The following POM121 variants were observed in gnomAD, a reference collection of about 807,000 sequenced individuals.
The protein encoded by POM121 is POM121 transmembrane nucleoporin.
POM121 carries 32 observed loss-of-function variants against 81.3 expected under a neutral mutation model. The observed-to-expected ratio is 0.39, with a 90% CI of 0.30 to 0.53. The LOEUF (loss-of-function observed/expected upper bound fraction) is 0.53, where lower values mean the gene tolerates loss of function less well. POM121 is among the 20% of genes least tolerant of loss of function. The pLI is 0.66. For missense variants in POM121, 1,138 were observed against 1,614.6 expected, an observed-to-expected ratio of 0.70 and a Z score of 5.06; for synonymous variants, 514 against 694.2, an observed-to-expected ratio of 0.74 and a Z score of 4.08.
chr7:72,938,816 G>A, intron 6 of POM121, 135 bp downstream of exon 6: 1 of 992,794 alleles, frequency 1.0e-6, no homozygotes, highest in Non-Finnish European at 1.6e-6. Context: ...TCCCTGAGAG[G>A]TACAATGCAG....
chr7:72,911,726 T>C (rs1793825380), intron 3 of POM121, among the ~76,000 whole-genome samples: 1 of 152,170 alleles, frequency 6.6e-6, no homozygotes, highest in Non-Finnish European at 1.5e-5. Flanking sequence ...AATAGACGAA[T>C]GCGTGGCAAG....
At chr7:72,912,773 G>A (rs1335438365) in intron 3 of POM121, among the ~76,000 whole-genome samples, 10 of 152,088 alleles carry the variant, frequency 6.6e-5, no homozygotes, top group Admixed American at 2.6e-4. Flanking sequence ...GCAAGACTCC[G>A]TTTCAAAACA....
intron 11 of POM121, 127 bp downstream of exon 11, chr7:72,943,649 G>C (rs1401781249): frequency 7.0e-7 from 1 of 1,436,180 alleles, no homozygotes; most frequent in African/African-American, 1.4e-5. Flanking sequence ...AACTCAGTGA[G>C]ATGCCAGGGA....
At chr7:72,894,091 A>G (rs1355420420) in intron 3 of POM121, among the ~76,000 whole-genome samples, 1 of 151,268 alleles carries the variant, frequency 6.6e-6, no homozygotes, top group Non-Finnish European at 1.5e-5. Flanking sequence ...GGCCAACAGA[A>G]TGAGACTACG....
At chr7:72,928,298 G>T (rs1362333032) in intron 3 of POM121, 87 bp from the exon 4 acceptor site, 30 of 1,535,016 alleles carry the variant, frequency 2.0e-5, no homozygotes, top group Non-Finnish European at 2.6e-5. Context: ...CATAGAGATA[G>T]TATAAGGTCC....
chr7:72,898,002 G>T (rs1308025720), intron 3 of POM121, among the ~76,000 whole-genome samples: 2 of 152,178 alleles, frequency 1.3e-5, no homozygotes, highest in Non-Finnish European at 2.9e-5. Context: ...CTGGGCAACA[G>T]AGCAAGACCC....
At chr7:72,934,923 C>T (rs1796369862) in intron 5 of POM121, among the ~76,000 whole-genome samples, 1 of 151,816 alleles carries the variant, frequency 6.6e-6, no homozygotes, top group Non-Finnish European at 1.5e-5. Flanking sequence ...TACCCCTAGC[C>T]TTATACTTTA....
chr7:72,910,219 T>C (rs1371967127), intron 3 of POM121, among the ~76,000 whole-genome samples: 1 of 152,246 alleles, frequency 6.6e-6, no homozygotes, highest in Non-Finnish European at 1.5e-5. Flanking sequence ...TTTGGCCTTC[T>C]TCCAAGTGTA....
At chr7:72,910,839 C>G (rs1260311916) in intron 3 of POM121, among the ~76,000 whole-genome samples, 2 of 152,022 alleles carry the variant, frequency 1.3e-5, no homozygotes, top group African/African-American at 2.4e-5. Flanking sequence ...TGGTTGTAGA[C>G]TCTGCTCTAA....
At chr7:72,937,339 C>A (rs1286305787) in intron 5 of POM121, among the ~76,000 whole-genome samples, 1 of 151,846 alleles carries the variant, frequency 6.6e-6, no homozygotes, top group Non-Finnish European at 1.5e-5. Flanking sequence ...ATTGAAAATG[C>A]CGCTTATATA....
chr7:72,932,363 C>T (rs1431784650), intron 5 of POM121, among the ~76,000 whole-genome samples: 2 of 151,130 alleles, frequency 1.3e-5, no homozygotes, highest in African/African-American at 4.9e-5. Flanking sequence ...AGATTTGAAC[C>T]TTGCTTTTTC....
Position 72,928,396 on chromosome 7 carries a change from G to A in POM121, c.1034G>A (p.Ser345Asn), listed in dbSNP as rs1554497960. 1.9e-6 allele frequency: 3 copies of A among 1,614,240 alleles called. No individual in the cohort carries two copies. The highest frequency in any genetic ancestry group is 1.7e-6 in the Non-Finnish European group (2 of 1,180,040). ...GQENKRRRHD[S>N]SGSGHSAFEP... is the part of the protein sequence containing the mutation. Reference sequence around the variant, plus strand: ...TTGATTTGTCGCAGGCGCCATGATAGCAGTGGCAGTGGACATTCAGCATTT... The same window carrying A: ...TTGATTTGTCGCAGGCGCCATGATAACAGTGGCAGTGGACATTCAGCATTT... The change falls in exon 4 of 13, where the codon AGC (serine) becomes AAC (asparagine). Residue 345 changes from serine (S) to asparagine (N), a missense_variant. Ser to Asn is a conservative substitution (Grantham distance 46, BLOSUM62 1). This residue lies in a region of POM121 where 646 missense variants were observed against 633.5 expected (regional missense o/e 1.02). Transcript: ENST00000434423.
chr7:72,893,614 G>A (rs1320678653), intron 3 of POM121, among the ~76,000 whole-genome samples: 1 of 152,128 alleles, frequency 6.6e-6, no homozygotes, highest in African/African-American at 2.4e-5. Flanking sequence ...ACGATTTACC[G>A]TCTTAACCAT....
At chr7:72,884,978 T>G (rs1395987851) in intron 1 of POM121, among the ~76,000 whole-genome samples, 4 of 152,162 alleles carry the variant, frequency 2.6e-5, no homozygotes, top group Non-Finnish European at 5.9e-5. Context: ...ATAATTTCCT[T>G]TATAGCAATT....
At chr7:72,902,847 A>G (rs782042003) in intron 3 of POM121, among the ~76,000 whole-genome samples, 2 of 151,984 alleles carry the variant, frequency 1.3e-5, no homozygotes, top group Non-Finnish European at 2.9e-5. Context: ...GATATTTTCT[A>G]TTTCTGTATC....
upstream of POM121, chr7:72,924,780 A>C (rs1795179864): frequency 7.4e-6 from 2 of 269,162 alleles, no homozygotes. Context: ...TGTGAAAAGT[A>C]CCTGGTAACA....
At chr7:72,920,753 T>C (rs1554495905), upstream of POM121, among the ~76,000 whole-genome samples, 6 of 152,206 alleles carry the variant, frequency 3.9e-5, no homozygotes. Flanking sequence ...TTATGATTCA[T>C]TAGGTGGGTC....
chr7:72,945,672 G>C lies in POM121; in HGVS notation c.3616G>C (p.Ala1206Pro), dbSNP rs1554503028. The part of the protein sequence containing the change: ...GSSLSFGASS[A>P]PAQGFVGVAP... ...CAGCCTCTCCTTTGGGGCATCCTCA[G>C]CACCCGCCCAAGGCTTTGTTGGTGT... Residue 1206 changes from alanine (A) to proline (P), a missense_variant, in exon 12 of 13, where the codon GCA becomes CCA. Ala to Pro is a conservative substitution (Grantham distance 27). Transcript: ENST00000434423. 6.2e-7 allele frequency: 1 copy of C among 1,612,264 alleles called. No homozygotes were observed. Among genetic ancestry groups the C allele is most frequent in the Non-Finnish European group, 8.5e-7 (1 of 1,179,114 alleles).
rs570599346 is a variant in POM121 at position 72,943,568 on chromosome 7, G to C, written c.3529+46G>C. ...GGGCTACCGGGCCGGACACTGAAAA[G>C]CTGTGCCTGCGAAGCCTGTGGTCTC... On this transcript the variant is annotated intron_variant, in intron 11 of 12. Coordinates refer to ENST00000434423, the MANE Select transcript of POM121 (RefSeq NM_001387691.1). 1.2e-4 allele frequency: 189 copies of C among 1,582,086 alleles called. 1 individual carries two copies. The South Asian group carries it at 1.9e-3, about 16-fold the overall frequency.
Sources: allele counts gnomAD v4.1 joint callset (sites outside exome capture counted in the v4.1 genomes callset), GRCh38; gene constraint gnomAD v4.1.1; regional missense constraint gnomAD v4.1.1; transcripts MANE v1.5; gene names NCBI Gene and HGNC (gene_info 2026-07-23, HGNC 2026-07-21).